The following ABLIM1 variants were observed in gnomAD, a reference collection of about 807,000 sequenced individuals.
The protein encoded by ABLIM1 is actin binding LIM protein 1.
In ABLIM1, 40 loss-of-function variants were observed where a neutral mutation model predicts 107.0. That is an observed-to-expected ratio of 0.37 (90% confidence interval 0.29 to 0.49). The LOEUF is 0.49. Ranked by LOEUF, ABLIM1 falls within the 20% of genes least tolerant of loss-of-function variation. ABLIM1 has a pLI of 0.97. For missense variants in ABLIM1, 857 were observed against 1,008.5 expected, an observed-to-expected ratio of 0.85 and a Z score of 2.04; for synonymous variants, 357 against 357.3, an observed-to-expected ratio of 1.00 and a Z score of 0.01.
intron 20 of ABLIM1, chr10:114,439,637 G>A (rs2059917637): frequency 2.7e-6 from 1 of 364,372 alleles, no homozygotes; most frequent in East Asian, 6.3e-5. Flanking sequence ...TTTTTAACAA[G>A]ATTGAGGTTC....
At chr10:114,598,198 C>T (rs182828314) in intron 2 of ABLIM1, among the ~76,000 whole-genome samples, 86 of 140,372 alleles carry the variant, frequency 6.1e-4, no homozygotes, top group Non-Finnish European at 9.9e-4. Flanking sequence ...CGCTTGAACC[C>T]GGAAGGCGGA....
At chr10:114,563,737 T>C (rs1690689505) in intron 4 of ABLIM1, among the ~76,000 whole-genome samples, 1 of 150,262 alleles carries the variant, frequency 6.7e-6, no homozygotes, top group Non-Finnish European at 1.5e-5. Flanking sequence ...TCCTGGCTAC[T>C]TGGGAGGCTG....
chr10:114,477,529 T>C (rs1352327301), intron 8 of ABLIM1, among the ~76,000 whole-genome samples: 2 of 152,212 alleles, frequency 1.3e-5, no homozygotes, highest in Non-Finnish European at 2.9e-5. Context: ...CAGCCTTTGC[T>C]GTAATGATGC....
chr10:114,638,659 A>G (rs2140899911), intron 1 of ABLIM1, among the ~76,000 whole-genome samples: 1 of 113,574 alleles, frequency 8.8e-6, no homozygotes, highest in Non-Finnish European at 2.0e-5. Flanking sequence ...ACACACACAC[A>G]CACACACACA....
intron 1 of ABLIM1, among the ~76,000 whole-genome samples, chr10:114,637,333 G>C (rs575986540): frequency 1.5e-4 from 23 of 152,286 alleles, no homozygotes; most frequent in Non-Finnish European, 1.9e-4. Flanking sequence ...CAATCAGCTG[G>C]ACATTCACTG....
At chr10:114,720,920 G>C (rs1385889549) in intron 1 of ABLIM1, among the ~76,000 whole-genome samples, 1 of 152,186 alleles carries the variant, frequency 6.6e-6, no homozygotes, top group Admixed American at 6.5e-5. Context: ...AAATAAAGAA[G>C]TTATTCCCAG....
chr10:114,454,069 C>CA (rs1165847541), intron 12 of ABLIM1, among the ~76,000 whole-genome samples: 1 of 152,180 alleles, frequency 6.6e-6, no homozygotes, highest in African/African-American at 2.4e-5. Context: ...AAAATAGAGT[C>CA]AGACGCGTGT....
At chr10:114,765,611 T>G (rs1267114818) in intron 1 of ABLIM1, among the ~76,000 whole-genome samples, 1 of 152,202 alleles carries the variant, frequency 6.6e-6, no homozygotes, top group Non-Finnish European at 1.5e-5. Flanking sequence ...TTTTGAAATC[T>G]TTTAAAAAAT....
chr10:114,761,685 A>G (rs533475211), intron 1 of ABLIM1, among the ~76,000 whole-genome samples: 3 of 152,054 alleles, frequency 2.0e-5, no homozygotes, highest in African/African-American at 4.8e-5. Flanking sequence ...CTTTCCCCAA[A>G]GTGCCCTCTC....
intron 1 of ABLIM1, among the ~76,000 whole-genome samples, chr10:114,763,109 T>A (rs2082788780): frequency 6.6e-6 from 1 of 152,230 alleles, no homozygotes; most frequent in Non-Finnish European, 1.5e-5. Flanking sequence ...AGTGATTGCT[T>A]CTTTGTAAAG....
At chr10:114,651,166 C>T (rs2141086551) in intron 1 of ABLIM1, among the ~76,000 whole-genome samples, 1 of 152,270 alleles carries the variant, frequency 6.6e-6, no homozygotes, top group South Asian at 2.1e-4. Flanking sequence ...ATTCTTCGAA[C>T]ATAGTGATTT....
exon 1 of ABLIM1, chr10:114,684,398 C>T: frequency 6.2e-7 from 1 of 1,612,928 alleles, no homozygotes; most frequent in Non-Finnish European, 8.5e-7. Context: ...AGGCATCTGG[C>T]ACACAGAAAG....
At chr10:114,634,116 T>G (rs1297754783) in intron 1 of ABLIM1, among the ~76,000 whole-genome samples, 1 of 130,966 alleles carries the variant, frequency 7.6e-6, no homozygotes, top group East Asian at 2.3e-4. Flanking sequence ...TAAATGCCAT[T>G]AGCTCAATTT....
intron 1 of ABLIM1, among the ~76,000 whole-genome samples, chr10:114,705,010 G>A (rs1356644866): frequency 6.6e-6 from 1 of 152,114 alleles, no homozygotes; most frequent in Non-Finnish European, 1.5e-5. Context: ...GACATGGTGA[G>A]GTTTAAGAAA....
At chr10:114,563,487 C>T (rs1030239964) in intron 4 of ABLIM1, among the ~76,000 whole-genome samples, 6 of 152,006 alleles carry the variant, frequency 3.9e-5, no homozygotes, top group Admixed American at 2.0e-4. Flanking sequence ...TGCGCCAATG[C>T]GGTTTCTTAG....
At chr10:114,543,985 A>G (rs2067006649) in intron 6 of ABLIM1, among the ~76,000 whole-genome samples, 1 of 152,186 alleles carries the variant, frequency 6.6e-6, no homozygotes, top group Admixed American at 6.5e-5. Context: ...AAGGGTTTAC[A>G]GTGGGATTTA....
intron 1 of ABLIM1, among the ~76,000 whole-genome samples, chr10:114,715,728 A>C (rs1464653490): frequency 2.0e-5 from 3 of 152,174 alleles, no homozygotes; most frequent in Non-Finnish European, 4.4e-5. Context: ...ACAGCAATAT[A>C]CTTAATACAT....
At chr10:114,774,066 AAAAG>A in the ABLIM1 span, among the ~76,000 whole-genome samples, 4 of 151,998 alleles carry the variant, frequency 2.6e-5, no homozygotes, top group Non-Finnish European at 5.9e-5. Flanking sequence ...ACTAAGAAAA[AAAAG>A]AAAGAATAAA....
intron 6 of ABLIM1, among the ~76,000 whole-genome samples, chr10:114,502,517 G>A (rs958651593): frequency 6.6e-6 from 1 of 151,770 alleles, no homozygotes; most frequent in Non-Finnish European, 1.5e-5. Context: ...TATTTTTTGA[G>A]ACAGAGATTC....
Sources: allele counts gnomAD v4.1 joint callset (sites outside exome capture counted in the v4.1 genomes callset), GRCh38; gene constraint gnomAD v4.1.1; transcripts MANE v1.5; gene names NCBI Gene and HGNC (gene_info 2026-07-23, HGNC 2026-07-21).